DYNC1I1: variants seen among roughly 807,000 people sequenced by gnomAD.
DYNC1I1 encodes dynein cytoplasmic 1 intermediate chain 1, also known as cytoplasmic dynein 1 intermediate chain 1.
In DYNC1I1, 43 loss-of-function variants were observed where a neutral mutation model predicts 86.6. The ratio of observed to expected loss-of-function variants is 0.50; its 90% CI spans 0.39 to 0.64. The LOEUF (loss-of-function observed/expected upper bound fraction) is 0.64. Among genes scored for constraint, DYNC1I1 ranks in the 30% least tolerant of loss-of-function variants. DYNC1I1 has a pLI of 0.00. For synonymous variants in DYNC1I1, 262 were observed against 283.7 expected (o/e 0.92, Z 0.77); for missense variants, 604 against 788.8 (o/e 0.77, Z 2.81).
chr7:96,024,515 A>G (rs141674590), intron 10 of DYNC1I1, among the ~76,000 whole-genome samples: 317 of 152,346 alleles, frequency 2.1e-3, no homozygotes, highest in African/African-American at 7.2e-3. Context: ...ATACACATAT[A>G]TATTCTTACA....
intron 6 of DYNC1I1, among the ~76,000 whole-genome samples, chr7:95,906,551 A>T (rs1791182392): frequency 6.6e-6 from 1 of 151,808 alleles, no homozygotes; most frequent in Non-Finnish European, 1.5e-5. Flanking sequence ...GATCTCGGTG[A>T]AGGACTTATC....
At chr7:95,967,790 A>G (rs1266270837) in intron 6 of DYNC1I1, among the ~76,000 whole-genome samples, 1 of 152,178 alleles carries the variant, frequency 6.6e-6, no homozygotes, top group Non-Finnish European at 1.5e-5. Flanking sequence ...TGTAACAGGA[A>G]AAGAAGAAGG....
At chr7:95,795,743 G>C (rs2619003) in intron 1 of DYNC1I1, among the ~76,000 whole-genome samples, 3,518 of 152,100 alleles carry the variant, frequency 0.023, 135 homozygotes, top group African/African-American at 0.08. Flanking sequence ...TTGAAGGGTG[G>C]AGGGTGGGAG....
Position 95,901,893 on chromosome 7 carries a change from A to G in DYNC1I1, c.490+31895A>G, listed in dbSNP as rs1357514809. Among the ~76,000 whole-genome samples the G allele has an allele frequency of 1.1e-4, 16 of 152,344 alleles. No individual in the cohort carries two copies. In the South Asian group the frequency reaches 1.4e-3, roughly 14 times the overall value. Reference sequence around the variant, plus strand: ...TCACTGCTTTTTAGGTTTGGCCTCAATCAACAACAAGAACTGATTTCCCTG... The same window carrying G: ...TCACTGCTTTTTAGGTTTGGCCTCAGTCAACAACAAGAACTGATTTCCCTG... On this transcript the variant is annotated intron_variant, in intron 6 of 16. Coordinates refer to ENST00000447467, the MANE Select transcript of DYNC1I1 (RefSeq NM_001135556.2).
At chr7:95,866,872 C>CA (rs1330538725) in intron 5 of DYNC1I1, among the ~76,000 whole-genome samples, 2 of 152,208 alleles carry the variant, frequency 1.3e-5, no homozygotes, top group Non-Finnish European at 2.9e-5. Flanking sequence ...CTAATGATGA[C>CA]AACTCAGCTT....
At position 95,804,820 on chromosome 7, in the gene DYNC1I1, G is replaced by A; in HGVS notation, c.91G>A (p.Glu31Lys). Residue 31 changes from glutamate (E) to lysine (K), a missense_variant, in exon 2 of 17, where the codon GAG (glutamate) becomes AAG (lysine). Physicochemically the swap from Glu to Lys is moderately conservative, Grantham distance 56 (BLOSUM62 1). Transcript: ENST00000447467. ...IREEKKRKEE[E>K]RKKKEADMQQ... ...AGAAGAGAAGAAACGGAAGGAAGAG[G>A]AGAGGAAAAAGAAAGAGGTAAATCC... is the stretch of plus-strand genomic sequence containing the variant. 6.4e-7 allele frequency: 1 copy of A among 1,563,614 alleles called. No homozygotes were observed. Among genetic ancestry groups the A allele is most frequent in the Non-Finnish European group, 8.7e-7 (1 of 1,152,304 alleles).
In DYNC1I1 at chr7:96,080,499, A is replaced by G. The variant is rs764884150; in HGVS notation, c.1776+11A>G. On this transcript the variant is annotated intron_variant, in intron 16 of 16. Transcript: ENST00000447467. ...TATGACGTTGGAGAGGTACGTGTGTATTTGTGTTGTTGTTACTGTTTTGAC... is the reference window on the plus strand; with the variant it reads ...TATGACGTTGGAGAGGTACGTGTGTGTTTGTGTTGTTGTTACTGTTTTGAC... 10 of 1,614,012 alleles carry G rather than the reference A, an allele frequency of 6.2e-6. 1 individual carries two copies. In the South Asian group the frequency reaches 8.8e-5, roughly 14 times the overall value.
intron 14 of DYNC1I1, among the ~76,000 whole-genome samples, chr7:96,072,673 A>G (rs1790204642): frequency 6.6e-6 from 1 of 152,210 alleles, no homozygotes; most frequent in Admixed American, 6.5e-5. Flanking sequence ...ATGAGTGGTA[A>G]AGCACAAGCA....
chr7:95,953,919 G>A (rs1463945920), intron 6 of DYNC1I1, among the ~76,000 whole-genome samples: 1 of 152,096 alleles, frequency 6.6e-6, no homozygotes, highest in Non-Finnish European at 1.5e-5. Flanking sequence ...AAACACCTTG[G>A]TTCAACACTT....
intron 11 of DYNC1I1, among the ~76,000 whole-genome samples, chr7:96,030,286 GA>G (rs1794775875): frequency 6.6e-6 from 1 of 150,698 alleles, no homozygotes; most frequent in South Asian, 2.1e-4. Context: ...ATCTATACTG[GA>G]AAAATGGGTA....
chr7:96,061,712 T>TCACACACACA (rs147547424), intron 14 of DYNC1I1, among the ~76,000 whole-genome samples: 32 of 136,814 alleles, frequency 2.3e-4, no homozygotes, highest in African/African-American at 7.0e-4. Context: ...TCTCTCTCTC[T>TCACACACACA]CACACACACA....
At chr7:96,108,379 G>C (rs1412356467) in intron 16 of DYNC1I1, among the ~76,000 whole-genome samples, 1 of 152,048 alleles carries the variant, frequency 6.6e-6, no homozygotes, top group Non-Finnish European at 1.5e-5. Flanking sequence ...TATTGTTTTA[G>C]AGTTTTGTTT....
intron 4 of DYNC1I1, among the ~76,000 whole-genome samples, chr7:95,826,397 G>C (rs981728172): frequency 6.6e-6 from 1 of 152,192 alleles, no homozygotes; most frequent in African/African-American, 2.4e-5. Context: ...TAGAGTGATT[G>C]TGGCAGTAGT....
downstream of DYNC1I1, among the ~76,000 whole-genome samples, chr7:96,100,278 G>C (rs904110015): frequency 1.3e-5 from 2 of 152,004 alleles, no homozygotes; most frequent in African/African-American, 2.4e-5. Flanking sequence ...TCTCAGAACT[G>C]TACTTCAGTC....
intron 5 of DYNC1I1, among the ~76,000 whole-genome samples, chr7:95,835,234 G>A (rs1422218097): frequency 1.8e-3 from 194 of 107,002 alleles, no homozygotes; most frequent in African/African-American, 7.5e-3. Flanking sequence ...TATGTACCCA[G>A]TAGTCATTCA....
chr7:95,836,207 T>G (rs1164060952), intron 5 of DYNC1I1, among the ~76,000 whole-genome samples: 5 of 152,080 alleles, frequency 3.3e-5, no homozygotes, highest in African/African-American at 7.2e-5. Context: ...GTCTGTAAAG[T>G]ATTTTATTTC....
chr7:96,034,134 C>T (rs3819442), intron 12 of DYNC1I1, among the ~76,000 whole-genome samples: 6 of 151,952 alleles, frequency 3.9e-5, no homozygotes, highest in East Asian at 3.9e-4. Context: ...AAGAATACTA[C>T]GTTTTTTTAA....
rs1792086137 is a variant in DYNC1I1 at position 95,937,743 on chromosome 7, C to A, written c.491-39769C>A. On this transcript the variant is annotated intron_variant, in intron 6 of 16. Transcript: ENST00000447467. ...CCAAAAATATTAAAACAAAAAAATG[C>A]AAAAATATTATTATACTTTACCTTT... Among the ~76,000 whole-genome samples, 4 of 151,830 alleles carry A rather than the reference C, an allele frequency of 2.6e-5. No individual in the cohort carries two copies. In the South Asian group the frequency reaches 8.3e-4, roughly 32 times the overall value.
chr7:95,818,471 T>G (rs769778481), intron 4 of DYNC1I1: 1 of 590,414 alleles, frequency 1.7e-6, no homozygotes, highest in Non-Finnish European at 2.9e-6. Context: ...CCAGCTGATT[T>G]AATTTTTTTT....
Sources: gnomAD v4.1 joint callset for allele counts (sites outside exome capture counted in the v4.1 genomes callset) on GRCh38, gnomAD v4.1.1 for gene constraint, MANE v1.5 for transcripts, NCBI Gene and HGNC (gene_info 2026-07-23, HGNC 2026-07-21) for gene names.